Variants in RCL1 observed in about 807,000 individuals in gnomAD.
The protein encoded by RCL1 is RNA 3'-terminal phosphate cyclase-like protein.
RCL1 carries 24 observed loss-of-function variants against 42.4 expected under a neutral mutation model. The observed-to-expected ratio is 0.57, with a 90% CI of 0.41 to 0.80. The LOEUF is 0.80. Ranked by LOEUF, RCL1 falls within the 30% of genes least tolerant of loss-of-function variation. The pLI is 0.00. For missense variants in RCL1, 578 were observed against 467.9 expected, an observed-to-expected ratio of 1.24 and a Z score of -2.17; for synonymous variants, 228 against 177.3, an observed-to-expected ratio of 1.29 and a Z score of -2.27.
intron 5 of RCL1, 50 bp from the exon 6 acceptor site, chr9:4,841,182 T>C: frequency 6.2e-7 from 1 of 1,609,998 alleles, no homozygotes; most frequent in Non-Finnish European, 8.5e-7. Context: ...AACTGATTTT[T>C]CTCTGTCCTG....
At chr9:4,821,778 G>C (rs1587709007) in intron 1 of RCL1, among the ~76,000 whole-genome samples, 1 of 152,116 alleles carries the variant, frequency 6.6e-6, no homozygotes, top group African/African-American at 2.4e-5. Context: ...TGGCACCCCT[G>C]GCTGGACTCA....
chr9:4,808,506 C>T lies in RCL1; in HGVS notation c.137-15042C>T, dbSNP rs141023275. Among the ~76,000 whole-genome samples the T allele has an allele frequency of 2.6e-3, 394 of 152,172 alleles. 1 individual carries two copies. Among genetic ancestry groups the T allele is most frequent in the African/African-American group, 9.2e-3 (382 of 41,504 alleles). On this transcript the variant is annotated intron_variant, in intron 1 of 8. Transcript: ENST00000381750. ...TATTTTTTGTAGAGACAGGGTTTCGCCATGTTGCCCAGGCTGGTCTCGGAT... is the reference window on the plus strand; with the variant it reads ...TATTTTTTGTAGAGACAGGGTTTCGTCATGTTGCCCAGGCTGGTCTCGGAT...
intron 7 of RCL1, among the ~76,000 whole-genome samples, chr9:4,845,440 G>T (rs1038669382): frequency 6.6e-6 from 1 of 152,158 alleles, no homozygotes; most frequent in African/African-American, 2.4e-5. Flanking sequence ...TCATTGCAAC[G>T]GGCACATATG....
rs1233570339 is a variant in RCL1, at chr9:4,827,046, A to T, written c.384+13A>T. On this transcript the variant is annotated intron_variant, in intron 3 of 8. Transcript: ENST00000381750. ...GGTTGACCCTTCAGTGAGTATTGAG[A>T]ACAAACCGTGGTGTGGTTTTTGTTT... 1.2e-6 allele frequency: 2 copies of T among 1,614,180 alleles called. No homozygotes were observed. Among genetic ancestry groups the T allele is most frequent in the Non-Finnish European group, 1.7e-6 (2 of 1,180,028 alleles).
chr9:4,842,312 G>A (rs1415293899), intron 6 of RCL1, among the ~76,000 whole-genome samples: 1 of 152,094 alleles, frequency 6.6e-6, no homozygotes, highest in Non-Finnish European at 1.5e-5. Context: ...TTTCACCTGT[G>A]GTTTCTTTTA....
At chr9:4,802,075 T>C (rs1843011781) in intron 1 of RCL1, among the ~76,000 whole-genome samples, 1 of 9,244 alleles carries the variant, frequency 1.1e-4, no homozygotes, top group African/African-American at 2.9e-4. Context: ...CGCCTGGCTA[T>C]TTTTTTTTTT....
At chr9:4,810,884 C>T (rs1164474053) in intron 1 of RCL1, among the ~76,000 whole-genome samples, 2 of 151,988 alleles carry the variant, frequency 1.3e-5, no homozygotes, top group African/African-American at 4.8e-5. Context: ...GACTGAGCAC[C>T]CTTTCTTTTG....
chr9:4,860,067 A>G, intron 8 of RCL1, 58 bp from the exon 9 acceptor site: 1 of 1,263,398 alleles, frequency 7.9e-7, no homozygotes, highest in Admixed American at 2.7e-5. Flanking sequence ...GTGGTAGAGG[A>G]TAATTTTTTT....
Position 4,793,143 on chromosome 9 carries a change from C to A in RCL1, c.52C>A (p.Gln18Lys). The part of the protein sequence containing the change: ...LSYAGCNFLR[Q>K]RLVLSTLSGR... ...CTACGCAGGGTGCAACTTCTTGCGC[C>A]AACGTCTGGTCCTGTCTACCCTGAG... Residue 18 changes from glutamine (Q) to lysine (K), a missense_variant, in exon 1 of 9, where the codon CAA (glutamine) becomes AAA (lysine). Gln to Lys is a moderately conservative substitution (Grantham distance 53). Transcript: ENST00000381750. The A allele has an allele frequency of 1.2e-6, 2 of 1,612,372 alleles. No individual in the cohort carries two copies. Among genetic ancestry groups the A allele is most frequent in the Non-Finnish European group, 1.7e-6 (2 of 1,179,350 alleles).
chr9:4,830,022 A>G (rs1445676486), intron 3 of RCL1, among the ~76,000 whole-genome samples: 1 of 152,194 alleles, frequency 6.6e-6, no homozygotes, highest in Non-Finnish European at 1.5e-5. Context: ...TTAAGGTGTG[A>G]GTGGGAGAAG....
At chr9:4,826,631 A>T (rs1816772444) in intron 2 of RCL1, among the ~76,000 whole-genome samples, 1 of 152,166 alleles carries the variant, frequency 6.6e-6, no homozygotes, top group South Asian at 2.1e-4. Flanking sequence ...AGAGGGGTTT[A>T]CTTTATTACT....
In RCL1 at chr9:4,860,318, G is replaced by A. The variant is rs777780512; in HGVS notation, c.*43G>A. The A allele has an allele frequency of 5.0e-6, 8 of 1,595,618 alleles. No individual in the cohort carries two copies. The highest frequency in any genetic ancestry group is 3.6e-5 in the Admixed American group (2 of 55,492). ...GGCCCCAATGCCTACAGACAAAGCA[G>A]AAGCTGCCACGGACACCAATGGGAC... On this transcript the variant is annotated 3_prime_UTR_variant, in exon 9 of 9. Transcript: ENST00000381750.
At chr9:4,843,272 C>T (rs1466800335) in intron 6 of RCL1, among the ~76,000 whole-genome samples, 1 of 152,016 alleles carries the variant, frequency 6.6e-6, no homozygotes, top group East Asian at 1.9e-4. Context: ...ATGTTGTGGC[C>T]ATGGCCTAGA....
chr9:4,847,071 G>A (rs1328114563), intron 7 of RCL1, among the ~76,000 whole-genome samples: 4 of 151,854 alleles, frequency 2.6e-5, no homozygotes, highest in African/African-American at 7.3e-5. Flanking sequence ...TAGAGATAGG[G>A]TTTCTCCATG....
intron 1 of RCL1, among the ~76,000 whole-genome samples, chr9:4,798,430 C>G (rs1002595577): frequency 6.6e-6 from 1 of 152,214 alleles, no homozygotes; most frequent in Non-Finnish European, 1.5e-5. Flanking sequence ...GTAACTAAGC[C>G]TTAGTGTCTT....
At chr9:4,796,943 A>C (rs76286458) in intron 1 of RCL1, among the ~76,000 whole-genome samples, 1 of 152,164 alleles carries the variant, frequency 6.6e-6, no homozygotes, top group Non-Finnish European at 1.5e-5. Flanking sequence ...TCTTTGAGAA[A>C]TCTCCATATG....
At chr9:4,838,183 G>A (rs1817200740) in intron 5 of RCL1, among the ~76,000 whole-genome samples, 2 of 152,166 alleles carry the variant, frequency 1.3e-5, no homozygotes, top group Non-Finnish European at 2.9e-5. Flanking sequence ...GGCTCAGACT[G>A]GGAGAAAGAG....
At chr9:4,844,956 T>TA (rs564147575) in intron 7 of RCL1, among the ~76,000 whole-genome samples, 1 of 152,056 alleles carries the variant, frequency 6.6e-6, no homozygotes. Context: ...AAGGGAAGGT[T>TA]AAAAAAAGGA....
intron 6 of RCL1, among the ~76,000 whole-genome samples, chr9:4,843,989 T>C (rs994306706): frequency 6.6e-5 from 10 of 152,216 alleles, no homozygotes; most frequent in African/African-American, 2.2e-4. Flanking sequence ...CAGGTGTTGT[T>C]AACCTTCGAC....
Sources: allele counts gnomAD v4.1 joint callset (sites outside exome capture counted in the v4.1 genomes callset), GRCh38; gene constraint gnomAD v4.1.1; transcripts MANE v1.5; gene names NCBI Gene and HGNC (gene_info 2026-07-23, HGNC 2026-07-21).